The following CLMN variants were observed in gnomAD, a reference collection of about 807,000 sequenced individuals.
CLMN encodes the protein calmin (calponin-like, transmembrane).
In CLMN, 57 loss-of-function variants were observed where a neutral mutation model predicts 92.7. The ratio of observed to expected loss-of-function variants is 0.61; its 90% CI spans 0.50 to 0.77. The LOEUF (loss-of-function observed/expected upper bound fraction) is 0.77. Among genes scored for constraint, CLMN ranks in the 30% least tolerant of loss-of-function variants. The pLI is 0.00. For missense variants in CLMN, 1,158 were observed against 1,237.5 expected (o/e 0.94, Z 0.96); for synonymous variants, 466 against 470.6 (o/e 0.99, Z 0.13).
chr14:95,243,552 C>T (rs1252843038), intron 1 of CLMN, among the ~76,000 whole-genome samples: 1 of 152,052 alleles, frequency 6.6e-6, no homozygotes, highest in East Asian at 1.9e-4. Flanking sequence ...CCTCACCTAA[C>T]CCCTACTAAA....
chr14:95,255,059 G>A (rs1245559909), intron 1 of CLMN, among the ~76,000 whole-genome samples: 2 of 152,128 alleles, frequency 1.3e-5, no homozygotes, highest in African/African-American at 4.8e-5. Flanking sequence ...GTTCTTATAA[G>A]AAGAGGACAA....
intron 1 of CLMN, among the ~76,000 whole-genome samples, chr14:95,248,146 T>C (rs1898645838): frequency 6.6e-6 from 1 of 151,654 alleles, no homozygotes; most frequent in South Asian, 2.1e-4. Flanking sequence ...GAAAAGAAAC[T>C]TGTCAAGAGA....
At position 95,292,561 on chromosome 14, in the gene CLMN, CT is replaced by C. The variant is rs1337995431; in HGVS notation, c.82+27149del. Among the ~76,000 whole-genome samples the C allele has an allele frequency of 4.0e-5, 6 of 151,776 alleles. No individual in the cohort carries two copies. In the East Asian group the frequency reaches 9.7e-4, roughly 25 times the overall value. ...TTTTGTCCTTCCTCTAAGAAATGTC[CT>C]TGAATTTAAATAACTTCAGGTCAAA... On this transcript the variant is annotated intron_variant, in intron 1 of 12. Transcript: ENST00000298912.
intron 1 of CLMN, among the ~76,000 whole-genome samples, chr14:95,311,096 GACATTCAGGGCC>G (rs555645811): frequency 3.9e-4 from 59 of 152,146 alleles, no homozygotes; most frequent in Non-Finnish European, 6.6e-4. Flanking sequence ...AAATGAGACA[GACATTCAGGGCC>G]AGGACTGACG....
Position 95,204,165 on chromosome 14 carries a change from G to T in CLMN, c.1184C>A (p.Thr395Asn), listed in dbSNP as rs1369750213. The change falls in exon 9 of 13, where the codon ACC becomes AAC. Residue 395 changes from threonine (T) to asparagine (N), a missense_variant. Physicochemically the swap from Thr to Asn is moderately conservative, Grantham distance 65. Coordinates refer to ENST00000298912, the MANE Select transcript of CLMN (RefSeq NM_024734.4). ...DQVLQGGPGK[T>N]SDISEPSPES... ...TGGAGATGGCTCACTGATGTCGCTG[G>T]TCTTACCTGGGCCCCCTTGCAGGAC... 4 of 1,614,138 alleles carry T rather than the reference G, an allele frequency of 2.5e-6. No homozygotes were observed. Among genetic ancestry groups the T allele is most frequent in the Non-Finnish European group, 3.4e-6 (4 of 1,180,024 alleles).
At position 95,191,532 on chromosome 14, in the gene CLMN, G is replaced by T; in HGVS notation, c.*32C>A. ...TGAAGTAACCCCGCCCCTGGTCAGG[G>T]TCCTGTCTTTTTTATTATCCAGACA... On this transcript the variant is annotated 3_prime_UTR_variant, in exon 13 of 13. Transcript: ENST00000298912. This position sits in a 1 kb window ranked among gnomAD's most constrained non-coding sequence, Gnocchi z 5.3. The T allele has an allele frequency of 1.9e-6, 3 of 1,584,952 alleles. No individual in the cohort carries two copies. Among genetic ancestry groups the T allele is most frequent in the Non-Finnish European group, 2.6e-6 (3 of 1,165,170 alleles).
intron 9 of CLMN, 126 bp downstream of exon 9, chr14:95,202,712 C>A: frequency 9.4e-7 from 1 of 1,067,240 alleles, no homozygotes; most frequent in Non-Finnish European, 1.3e-6. Flanking sequence ...TTGAATTTTG[C>A]ACCATAGTAG....
Position 95,194,647 on chromosome 14 carries a change from G to A in CLMN, c.2709-51C>T. On this transcript the variant is annotated intron_variant, in intron 10 of 12. Transcript: ENST00000298912. This position sits in a 1 kb window ranked among gnomAD's most constrained non-coding sequence, Gnocchi z 4.0. ...TTGGTACCACCTGGAGCTCTTCATG[G>A]CTCAGTTGTACGGTCACCCCCATCC... The A allele has an allele frequency of 1.9e-6, 3 of 1,564,336 alleles. No individual in the cohort carries two copies. The highest frequency in any genetic ancestry group is 1.8e-6 in the Non-Finnish European group (2 of 1,134,760).
chr14:95,240,486 C>G (rs866159461), intron 1 of CLMN, among the ~76,000 whole-genome samples: 4 of 152,122 alleles, frequency 2.6e-5, no homozygotes, highest in African/African-American at 9.7e-5. Context: ...GGAGGGGAGA[C>G]AGAACCATAA....
intron 1 of CLMN, among the ~76,000 whole-genome samples, chr14:95,273,174 G>A (rs926355054): frequency 6.6e-6 from 1 of 152,178 alleles, no homozygotes; most frequent in Non-Finnish European, 1.5e-5. Flanking sequence ...GTGATGGAAA[G>A]GACATTCCAG....
chr14:95,309,384 CA>C (rs1454868767), intron 1 of CLMN, among the ~76,000 whole-genome samples: 3 of 152,134 alleles, frequency 2.0e-5, no homozygotes, highest in Non-Finnish European at 4.4e-5. Flanking sequence ...ATCTCCACTC[CA>C]AAAGTACACA....
chr14:95,194,406 C>T lies in CLMN; in HGVS notation c.2769+130G>A. ...TGCTTAATGATAAGGTTCCAATCTG[C>T]TTGTCTTCTATCCAAAAGTATAGCT... is the stretch of plus-strand genomic sequence containing the variant. On this transcript the variant is annotated intron_variant, in intron 11 of 12. Transcript: ENST00000298912. The surrounding 1 kb of genome is among the most constrained non-coding windows in gnomAD (Gnocchi z 4.0). The T allele has an allele frequency of 6.5e-7, 1 of 1,539,860 alleles. No individual in the cohort carries two copies. Among genetic ancestry groups the T allele is most frequent in the South Asian group, 1.2e-5 (1 of 80,182 alleles).
At chr14:95,301,125 T>A (rs1450363422) in intron 1 of CLMN, among the ~76,000 whole-genome samples, 1 of 152,242 alleles carries the variant, frequency 6.6e-6, no homozygotes, top group African/African-American at 2.4e-5. Context: ...CGGGTTATAA[T>A]GGACACAATT....
intron 1 of CLMN, among the ~76,000 whole-genome samples, chr14:95,236,494 C>T (rs1024873597): frequency 3.3e-5 from 5 of 152,248 alleles, no homozygotes; most frequent in Admixed American, 3.3e-4. Context: ...TTTTGATTGC[C>T]ACGACTGAGG....
intron 1 of CLMN, among the ~76,000 whole-genome samples, chr14:95,261,827 C>A (rs996603736): frequency 3.3e-5 from 5 of 152,222 alleles, no homozygotes; most frequent in Admixed American, 6.5e-5. Flanking sequence ...TGCCCCCCTG[C>A]AGCAAGAACC....
At position 95,198,741 on chromosome 14, in the gene CLMN, C is replaced by G. The variant is rs909514613; in HGVS notation, c.2512-2047G>C. Among the ~76,000 whole-genome samples the G allele has an allele frequency of 2.6e-5, 4 of 152,112 alleles. 1 individual carries two copies. The South Asian group carries it at 8.3e-4, about 32-fold the overall frequency. On this transcript the variant is annotated intron_variant, in intron 9 of 12. Coordinates refer to ENST00000298912, the MANE Select transcript of CLMN (RefSeq NM_024734.4). ...CAACCCAGGGCTCTTTCAGCCACAC[C>G]GCAAATCACCTGTCCAAGTGCTGGA...
chr14:95,226,858 C>T (rs1333332445), intron 2 of CLMN, among the ~76,000 whole-genome samples: 3 of 152,330 alleles, frequency 2.0e-5, no homozygotes, highest in South Asian at 2.1e-4. Flanking sequence ...GGATTACAGG[C>T]GTGAGCCACC....
rs1898984674 is a variant in CLMN, at chr14:95,256,004, G to A, written c.83-25871C>T. 6.6e-6 allele frequency among the ~76,000 whole-genome samples: 1 copy of A among 152,104 alleles called. No individual in the cohort carries two copies. Among genetic ancestry groups the A allele is most frequent in the Non-Finnish European group, 1.5e-5 (1 of 68,026 alleles). On this transcript the variant is annotated intron_variant, in intron 1 of 12. Transcript: ENST00000298912. This position sits in a 1 kb window ranked among gnomAD's most constrained non-coding sequence, Gnocchi z 4.9. ...AATCCGTATTCTTTTAACCCTATGAGGCAGCTACTATCCTTATCCCCATTT... is the reference window on the plus strand; with the variant it reads ...AATCCGTATTCTTTTAACCCTATGAAGCAGCTACTATCCTTATCCCCATTT...
At chr14:95,275,889 C>T (rs1379110888) in intron 1 of CLMN, among the ~76,000 whole-genome samples, 1 of 152,134 alleles carries the variant, frequency 6.6e-6, no homozygotes, top group Non-Finnish European at 1.5e-5. Context: ...TCTCGAGCAC[C>T]TGAGCTCAAG....
Sources: allele counts gnomAD v4.1 joint callset (sites outside exome capture counted in the v4.1 genomes callset), GRCh38; gene constraint gnomAD v4.1.1; non-coding constraint Gnocchi (gnomAD v3.1); transcripts MANE v1.5; gene names NCBI Gene and HGNC (gene_info 2026-07-23, HGNC 2026-07-21).